Variants in FLT1 observed in about 807,000 individuals in gnomAD.
FLT1 encodes the protein fms related receptor tyrosine kinase 1.
FLT1 carries 49 observed loss-of-function variants against 156.3 expected under a neutral mutation model. That is an observed-to-expected ratio of 0.31 (90% confidence interval 0.25 to 0.40). The LOEUF (loss-of-function observed/expected upper bound fraction) is 0.40. FLT1 is among the 10% of genes least tolerant of loss of function. The pLI, the probability that FLT1 is intolerant of heterozygous loss-of-function variation, is 1.00. For missense variants in FLT1, 1,322 were observed against 1,637.2 expected, an observed-to-expected ratio of 0.81 and a Z score of 3.32; for synonymous variants, 594 against 583.8, an observed-to-expected ratio of 1.02 and a Z score of -0.25.
chr13:28,460,673 C>A (rs1489438854), intron 3 of FLT1, among the ~76,000 whole-genome samples: 6 of 140,018 alleles, frequency 4.3e-5, no homozygotes, highest in African/African-American at 7.7e-5. Flanking sequence ...CCCACCCCCC[C>A]AAAAAATCAC....
intron 8 of FLT1, among the ~76,000 whole-genome samples, chr13:28,429,076 A>G (rs1234184151): frequency 6.6e-6 from 1 of 152,180 alleles, no homozygotes; most frequent in African/African-American, 2.4e-5. Flanking sequence ...TCCTGGAGTC[A>G]TCAGATTACT....
rs193005855 is a variant in FLT1 at position 28,412,533 on chromosome 13, T to C, written c.1437-6639A>G. On this transcript the variant is annotated intron_variant, in intron 10 of 29. Transcript: ENST00000282397. ...GCCTCCCAGGTTCAAGCGATTCTCC[T>C]GCCTCAGCCTCCAGAGTGGCTGGGA... 4.9e-3 allele frequency among the ~76,000 whole-genome samples: 736 copies of C among 148,912 alleles called. 5 individuals carry two copies. Among genetic ancestry groups the C allele is most frequent in the Non-Finnish European group, 8.9e-3 (597 of 67,284 alleles).
chr13:28,304,339 A>C (rs1252336239), intron 29 of FLT1, among the ~76,000 whole-genome samples: 1 of 152,150 alleles, frequency 6.6e-6, no homozygotes, highest in South Asian at 2.1e-4. Flanking sequence ...CACTGTGCTC[A>C]TGTGAAAAGG....
intron 3 of FLT1, among the ~76,000 whole-genome samples, chr13:28,442,701 TACACACAC>T (rs111263665): frequency 1.4e-5 from 2 of 146,908 alleles, no homozygotes; most frequent in African/African-American, 2.5e-5. Context: ...TGACTGTAGA[TACACACAC>T]ACACACACAC....
At chr13:28,318,602 G>A (rs1272838878) in intron 24 of FLT1, among the ~76,000 whole-genome samples, 23 of 152,328 alleles carry the variant, frequency 1.5e-4, no homozygotes, top group Admixed American at 1.0e-3. Flanking sequence ...CACTGCAGCC[G>A]CCAAGCTGCT....
chr13:28,440,944 AG>A (rs1336415058), intron 3 of FLT1, among the ~76,000 whole-genome samples: 1 of 152,128 alleles, frequency 6.6e-6, no homozygotes. Context: ...CAAGAATGTC[AG>A]GTGACCATCA....
intron 18 of FLT1, among the ~76,000 whole-genome samples, chr13:28,332,487 A>C (rs1593687504): frequency 6.6e-6 from 1 of 152,130 alleles, no homozygotes; most frequent in African/African-American, 2.4e-5. Flanking sequence ...GTTTCCACCT[A>C]TCTCTAGGTT....
rs550674831 is a variant in FLT1 at position 28,396,900 on chromosome 13, C to A, written c.1660+60G>T. 3 of 1,013,004 alleles carry A rather than the reference C, an allele frequency of 3.0e-6. No homozygotes were observed. The African/African-American group carries it at 4.7e-5, about 16-fold the overall frequency. The allele number at this position is 1,013,004 out of a possible 1,614,324, so 62.8% of individuals were successfully genotyped here. ...AAGCTATAAATGCACTAAAAGCAAA[C>A]AAGACTGAAGAGAGAATGAAGTCAC... On this transcript the variant is annotated intron_variant, in intron 12 of 29. Coordinates refer to ENST00000282397, the MANE Select transcript of FLT1 (RefSeq NM_002019.4).
chr13:28,357,196 T>C (rs956326079), intron 15 of FLT1, among the ~76,000 whole-genome samples: 2 of 150,018 alleles, frequency 1.3e-5, no homozygotes, highest in East Asian at 2.0e-4. Context: ...CCTACCCCCC[T>C]CCCTTTTCTT....
intron 18 of FLT1, among the ~76,000 whole-genome samples, chr13:28,330,605 T>TC (rs1555300822): frequency 2.0e-5 from 3 of 148,248 alleles, no homozygotes; most frequent in Non-Finnish European, 4.5e-5. Context: ...TATATATATA[T>TC]ATCATATATA....
At chr13:28,388,431 C>A (rs954932047) in intron 13 of FLT1, 1 of 1,052,614 alleles carries the variant, frequency 9.5e-7, no homozygotes, top group Non-Finnish European at 1.1e-6. Flanking sequence ...TGTTTCTCAG[C>A]CATGGCTATT....
intron 1 of FLT1, among the ~76,000 whole-genome samples, chr13:28,478,743 C>T (rs761369029): frequency 4.6e-5 from 7 of 152,150 alleles, no homozygotes; most frequent in African/African-American, 1.2e-4. Flanking sequence ...AGTGCCTTCA[C>T]ATTTTTGTAT....
intron 11 of FLT1, 113 bp from the exon 12 acceptor site, chr13:28,397,181 G>A (rs1166500038): frequency 1.1e-5 from 8 of 712,576 alleles, no homozygotes; most frequent in Non-Finnish European, 2.0e-5. Flanking sequence ...TGCAAAGAGA[G>A]TATTGCATAG....
intron 1 of FLT1, among the ~76,000 whole-genome samples, chr13:28,476,225 G>C (rs980095245): frequency 2.6e-5 from 4 of 152,168 alleles, no homozygotes; most frequent in African/African-American, 4.8e-5. Context: ...GGTTGATGTA[G>C]AACTAGAAGA....
At chr13:28,411,601 C>T (rs1359093099) in intron 10 of FLT1, among the ~76,000 whole-genome samples, 1 of 147,716 alleles carries the variant, frequency 6.8e-6, no homozygotes, top group South Asian at 2.2e-4. Flanking sequence ...CAATATTTAT[C>T]ACAATTTTTT....
intron 3 of FLT1, among the ~76,000 whole-genome samples, chr13:28,443,957 G>T (rs906262103): frequency 6.6e-6 from 1 of 152,148 alleles, no homozygotes; most frequent in African/African-American, 2.4e-5. Context: ...GTGAGGAAAT[G>T]GTTAGTGAAG....
Position 28,349,468 on chromosome 13 carries a change from A to G in FLT1, c.2249-3917T>C, listed in dbSNP as rs911236968. On this transcript the variant is annotated intron_variant, in intron 15 of 29. Coordinates refer to ENST00000282397, the MANE Select transcript of FLT1 (RefSeq NM_002019.4). The stretch of plus-strand genomic sequence containing the variant: ...CACACACACACACACACATGCGCAC[A>G]CGCACACACACACACACGCACACAT... 2.3e-3 allele frequency among the ~76,000 whole-genome samples: 342 copies of G among 151,038 alleles called. 1 individual carries two copies. Among genetic ancestry groups the G allele is most frequent in the African/African-American group, 7.9e-3 (324 of 40,866 alleles).
chr13:28,433,700 TTGAC>T, intron 6 of FLT1, 115 bp downstream of exon 6: 1 of 950,258 alleles, frequency 1.1e-6, no homozygotes, highest in South Asian at 1.3e-5. Context: ...AGCTTCTTTA[TTGAC>T]TAACACTGCC....
Position 28,322,681 on chromosome 13 carries a change from G to T in FLT1, c.2953+109C>A. 1.0e-6 allele frequency: 1 copy of T among 962,956 alleles called. No individual in the cohort carries two copies. Among genetic ancestry groups the T allele is most frequent in the Non-Finnish European group, 1.7e-6 (1 of 597,462 alleles). 59.7% of individuals were successfully genotyped at this position (962,956 alleles called of 1,614,324 possible). ...ATCTCCTCAGGACATTACCATTCGA[G>T]TCTCCCACGGATGTTTATTAGAGTG... On this transcript the variant is annotated intron_variant, in intron 21 of 29. Transcript: ENST00000282397. This position sits in a 1 kb window ranked among gnomAD's most constrained non-coding sequence, Gnocchi z 4.3.
Sources: gnomAD v4.1 joint callset for allele counts (sites outside exome capture counted in the v4.1 genomes callset) on GRCh38, gnomAD v4.1.1 for gene constraint, Gnocchi (gnomAD v3.1) non-coding constraint, MANE v1.5 for transcripts, NCBI Gene and HGNC (gene_info 2026-07-23, HGNC 2026-07-21) for gene names.